Variants in CDKN2B-AS1 observed in about 807,000 individuals in gnomAD.
CDKN2B-AS1 encodes the protein CDKN2B and CDKN2A antisense cis and trans regulatory RNA 1.
At chr9:22,080,703 G>T (rs1250375876) in intron 4 of CDKN2B-AS1, among the ~76,000 whole-genome samples, 1 of 152,210 alleles carries the variant, frequency 6.6e-6, no homozygotes, top group East Asian at 1.9e-4. Flanking sequence ...CCTGTTGAAG[G>T]CTTTTTGTAA....
In CDKN2B-AS1 at chr9:22,128,011, A is replaced by G. The variant is rs532429918; in HGVS notation, n.1347A>G. Among the ~76,000 whole-genome samples, 8 of 152,338 alleles carry G rather than the reference A, an allele frequency of 5.3e-5. No individual in the cohort carries two copies. The East Asian group carries it at 1.5e-3, about 29-fold the overall frequency. On this transcript the variant is annotated non_coding_transcript_exon_variant, in exon 5 of 5. Coordinates refer to ENST00000650946, the Ensembl canonical transcript of CDKN2B-AS1. ...AATCCTTCCATGTCTCATTCCGCTC[A>G]TCTGGAAAATGATGATCATACTAAC...
At chr9:22,127,514 G>T (rs1372646636) in exon 5 of CDKN2B-AS1, among the ~76,000 whole-genome samples, 1 of 152,208 alleles carries the variant, frequency 6.6e-6, no homozygotes, top group Non-Finnish European at 1.5e-5. Context: ...GCTTACAAGA[G>T]CTTTAACGAG....
chr9:22,091,175 C>T (rs947525131), intron 4 of CDKN2B-AS1, among the ~76,000 whole-genome samples: 3 of 152,042 alleles, frequency 2.0e-5, no homozygotes, highest in Non-Finnish European at 4.4e-5. Flanking sequence ...TGTTCTGTTC[C>T]ATTGGTCTAT....
chr9:22,086,775 C>A (rs140335935), intron 4 of CDKN2B-AS1, among the ~76,000 whole-genome samples: 21 of 152,258 alleles, frequency 1.4e-4, no homozygotes, highest in Admixed American at 1.4e-3. Flanking sequence ...ATTTTGAGAT[C>A]TTATTTTATC....
In CDKN2B-AS1 at chr9:22,064,286, G is replaced by C. The variant is rs1395414587; in HGVS notation, n.438+7899G>C. ...GTCAGATGGCATGAGTACCAAGGTG[G>C]AAGTGTGGTGGTCCTAAAGTGGCAT... On this transcript the variant is annotated intron_variant and non_coding_transcript_variant, in intron 4 of 4. Coordinates refer to ENST00000650946, the Ensembl canonical transcript of CDKN2B-AS1. Among the ~76,000 whole-genome samples the C allele has an allele frequency of 3.3e-5, 5 of 152,176 alleles. No individual in the cohort carries two copies. In the East Asian group the frequency reaches 9.6e-4, roughly 29 times the overall value.
rs1050191774 is a variant in CDKN2B-AS1, at chr9:21,995,355, C to T, written n.29+194C>T. ...CTTCTTCCTCTTTCCTCTTCCCCCGCGCTCCCCTCCCCTGCTGGCCGCTCC... is the reference window on the plus strand; with the variant it reads ...CTTCTTCCTCTTTCCTCTTCCCCCGTGCTCCCCTCCCCTGCTGGCCGCTCC... On this transcript the variant is annotated intron_variant and non_coding_transcript_variant, in intron 1 of 4. Transcript: ENST00000650946. This position sits in a 1 kb window ranked among gnomAD's most constrained non-coding sequence, Gnocchi z 5.7. 6.5e-6 allele frequency: 1 copy of T among 152,776 alleles called. No individual in the cohort carries two copies. The highest frequency in any genetic ancestry group is 1.5e-5 in the Non-Finnish European group (1 of 68,306). 9.5% of individuals were successfully genotyped at this position (152,776 alleles called of 1,614,324 possible).
At chr9:22,013,436 T>C (rs576589748) in intron 1 of CDKN2B-AS1, among the ~76,000 whole-genome samples, 2 of 152,296 alleles carry the variant, frequency 1.3e-5, no homozygotes, top group South Asian at 4.1e-4. Flanking sequence ...CAGTCTCTTG[T>C]ATCTCTCTCT....
At chr9:22,115,122 A>G (rs755215983) in intron 4 of CDKN2B-AS1, among the ~76,000 whole-genome samples, 14 of 152,154 alleles carry the variant, frequency 9.2e-5, no homozygotes, top group Non-Finnish European at 1.9e-4. Context: ...CAGACAAAGG[A>G]AACTTCATTA....
At chr9:22,073,458 C>T (rs1298425468) in intron 4 of CDKN2B-AS1, among the ~76,000 whole-genome samples, 1 of 152,088 alleles carries the variant, frequency 6.6e-6, no homozygotes, top group Non-Finnish European at 1.5e-5. Context: ...TTAATATACA[C>T]CACCTCAAAG....
rs77792598 is a variant in CDKN2B-AS1, at chr9:22,051,249, C to G, written n.302+2021C>G. Among the ~76,000 whole-genome samples, 1,262 of 152,266 alleles carry G rather than the reference C, an allele frequency of 8.3e-3. 86 individuals are homozygous for G. The East Asian group carries it at 0.18, about 21-fold the overall frequency. Reference sequence around the variant, plus strand: ...TACCTGCTTATCGTCCAATCCCAATCTCAGATTTTCTTTTTCTATTTTTTA... The same window carrying G: ...TACCTGCTTATCGTCCAATCCCAATGTCAGATTTTCTTTTTCTATTTTTTA... On this transcript the variant is annotated intron_variant and non_coding_transcript_variant, in intron 3 of 4. Transcript: ENST00000650946.
At chr9:22,110,714 A>G (rs907965393) in intron 4 of CDKN2B-AS1, among the ~76,000 whole-genome samples, 5 of 152,022 alleles carry the variant, frequency 3.3e-5, no homozygotes, top group African/African-American at 1.2e-4. Context: ...CCCTATACTC[A>G]TCTCTCATTT....
intron 1 of CDKN2B-AS1, chr9:22,030,510 T>G (rs1411443728): frequency 6.6e-6 from 1 of 152,160 alleles, no homozygotes; most frequent in African/African-American, 2.4e-5. Flanking sequence ...GAAAAAATGT[T>G]ACAGTGACAC....
At position 22,048,024 on chromosome 9, in the gene CDKN2B-AS1, G is replaced by A. The variant is rs1329285511; in HGVS notation, n.180-1082G>A. ...TGCCTAGGCTGGTCTCGAGCTCCTA[G>A]GCTCAAGGTATCCACCTGCCTCAGC... On this transcript the variant is annotated intron_variant and non_coding_transcript_variant, in intron 2 of 4. Coordinates refer to ENST00000650946, the Ensembl canonical transcript of CDKN2B-AS1. 2.0e-5 allele frequency among the ~76,000 whole-genome samples: 3 copies of A among 151,716 alleles called. No homozygotes were observed. In the South Asian group the frequency reaches 6.2e-4, roughly 32 times the overall value.
chr9:22,110,773 C>T (rs1825786262), intron 4 of CDKN2B-AS1, among the ~76,000 whole-genome samples: 1 of 152,086 alleles, frequency 6.6e-6, no homozygotes, highest in Non-Finnish European at 1.5e-5. Context: ...ATTTCCTCCC[C>T]AATCTCATCC....
At chr9:22,084,163 G>A (rs1587508259) in intron 4 of CDKN2B-AS1, among the ~76,000 whole-genome samples, 2 of 152,244 alleles carry the variant, frequency 1.3e-5, no homozygotes, top group African/African-American at 2.4e-5. Flanking sequence ...GATTTAGGCA[G>A]GTTATGTAAC....
chr9:22,008,705 T>G, intron 1 of CDKN2B-AS1: 1 of 1,611,456 alleles, frequency 6.2e-7, no homozygotes, highest in East Asian at 2.2e-5. Context: ...TGTACAAATC[T>G]ACATCGGCGA....
At chr9:22,055,624 C>A (rs1179121385) in intron 3 of CDKN2B-AS1, among the ~76,000 whole-genome samples, 1 of 152,102 alleles carries the variant, frequency 6.6e-6, no homozygotes, top group Non-Finnish European at 1.5e-5. Flanking sequence ...TGTGATTGAT[C>A]TTTTTCACTA....
intron 4 of CDKN2B-AS1, among the ~76,000 whole-genome samples, chr9:22,087,734 A>G (rs942702923): frequency 6.6e-6 from 1 of 152,198 alleles, no homozygotes; most frequent in Non-Finnish European, 1.5e-5. Context: ...ATCTGCACTA[A>G]TAGAAATATT....
intron 1 of CDKN2B-AS1, among the ~76,000 whole-genome samples, chr9:22,008,475 A>G (rs1821303851): frequency 6.6e-6 from 1 of 152,194 alleles, no homozygotes; most frequent in African/African-American, 2.4e-5. Context: ...TATCGTTGAA[A>G]GCAGACAGAC....
Sources: gnomAD v4.1 joint callset for allele counts (sites outside exome capture counted in the v4.1 genomes callset) on GRCh38, gnomAD v4.1.1 for gene constraint, Gnocchi (gnomAD v3.1) non-coding constraint, MANE v1.5 for transcripts, NCBI Gene and HGNC (gene_info 2026-07-23, HGNC 2026-07-21) for gene names.